SPATA21: variants seen among roughly 807,000 people sequenced by gnomAD.
SPATA21 encodes spermatogenesis associated 21, also known as spermatogenesis-associated protein 21.
A neutral mutation model predicts 54.8 loss-of-function variants in SPATA21; 47 were observed. The observed-to-expected ratio is 0.86, with a 90% CI of 0.68 to 1.09. The LOEUF (loss-of-function observed/expected upper bound fraction) is 1.09, where lower values mean the gene tolerates loss of function less well. Ranked by LOEUF, SPATA21 falls within the 50% of genes least tolerant of loss-of-function variation. SPATA21 has a pLI of 0.00. For synonymous variants in SPATA21, 245 were observed against 235.3 expected, an observed-to-expected ratio of 1.04 and a Z score of -0.38; for missense variants, 599 against 596.4, an observed-to-expected ratio of 1.00 and a Z score of -0.05.
In SPATA21 at chr1:16,432,448, C is replaced by G. The variant is rs1210956579; in HGVS notation, c.-52+342G>C. On this transcript the variant is annotated intron_variant, in intron 2 of 12. Transcript: ENST00000335496. ...TTTCTGAAGCCTTTCATCTCTCCTC[C>G]ACCTCTTTCATCCAACCTCATGTTC... Among the ~76,000 whole-genome samples, 3 of 151,754 alleles carry G rather than the reference C, an allele frequency of 2.0e-5. No individual in the cohort carries two copies. The Admixed American group carries it at 2.0e-4, about 10-fold the overall frequency.
At chr1:16,404,643 T>C (rs1169597989) in intron 8 of SPATA21, among the ~76,000 whole-genome samples, 1 of 152,038 alleles carries the variant, frequency 6.6e-6, no homozygotes, top group African/African-American at 2.4e-5. Context: ...AAAGACTCCA[T>C]CTCTACAAAA....
intron 3 of SPATA21, among the ~76,000 whole-genome samples, chr1:16,424,244 C>T (rs1348217547): frequency 0.018 from 42 of 2,334 alleles, no homozygotes; most frequent in East Asian, 0.037. Context: ...ACCTGGGAGG[C>T]AGAGCTTGCA....
At chr1:16,424,419 T>A (rs539090305) in intron 3 of SPATA21, among the ~76,000 whole-genome samples, 67 of 151,586 alleles carry the variant, frequency 4.4e-4, no homozygotes, top group South Asian at 1.7e-3. Flanking sequence ...TTATTTATTT[T>A]TTTATTTTTA....
Position 16,421,504 on chromosome 1 carries a change from C to T in SPATA21, c.144+5G>A. The T allele has an allele frequency of 6.2e-7, 1 of 1,613,436 alleles. No homozygotes were observed. The highest frequency in any genetic ancestry group is 8.5e-7 in the Non-Finnish European group (1 of 1,179,724). On this transcript the variant is annotated splice_donor_5th_base_variant and intron_variant, in intron 5 of 12. Transcript: ENST00000335496. The surrounding 1 kb of genome is among the most constrained non-coding windows in gnomAD (Gnocchi z 5.2). The stretch of plus-strand genomic sequence containing the variant: ...CGTCCCCGTTCCCCCTATGGCCCTA[C>T]TTACTGGTGGAGGAAGAGGCCCCGG...
chr1:16,409,013 C>G lies in SPATA21; in HGVS notation c.673+105G>C. On this transcript the variant is annotated intron_variant, in intron 7 of 12. Coordinates refer to ENST00000335496, the MANE Select transcript of SPATA21 (RefSeq NM_198546.1). This position sits in a 1 kb window ranked among gnomAD's most constrained non-coding sequence, Gnocchi z 4.1. ...CTGCTGGGTCTGCTACACATGGCGGCAGCCATGTGATCTGGAAAGCACCCC... is the reference window on the plus strand; with the variant it reads ...CTGCTGGGTCTGCTACACATGGCGGGAGCCATGTGATCTGGAAAGCACCCC... 2.5e-6 allele frequency: 3 copies of G among 1,213,154 alleles called. No homozygotes were observed. The highest frequency in any genetic ancestry group is 2.4e-6 in the Non-Finnish European group (2 of 839,670). The allele number at this position is 1,213,154 out of a possible 1,614,324, so 75.1% of individuals were successfully genotyped here. A position where few individuals can be genotyped will look rare whatever the true frequency, so the allele number is the denominator to read the frequency against.
In SPATA21 at chr1:16,400,739, C is replaced by A. The variant is rs777743329; in HGVS notation, c.1155G>T (p.Arg385=). 6.2e-7 allele frequency: 1 copy of A among 1,613,922 alleles called. No individual in the cohort carries two copies. The highest frequency in any genetic ancestry group is 8.5e-7 in the Non-Finnish European group (1 of 1,179,874). The change falls in exon 11 of 13, where the codon CGG becomes CGT. Residue 385 remains arginine (R), a synonymous_variant. Coordinates refer to ENST00000335496, the MANE Select transcript of SPATA21 (RefSeq NM_198546.1). ...CCTCACCATAGTTCTGCTGCTTCAG[C>A]CGGCTCAGGATACTGAGGACCTTTC... ...PERKVLSILS[R]LKQQNYAPNL...
At chr1:16,415,571 T>C (rs925879411) in intron 5 of SPATA21, among the ~76,000 whole-genome samples, 1 of 152,130 alleles carries the variant, frequency 6.6e-6, no homozygotes, top group African/African-American at 2.4e-5. Context: ...ATTATTATTC[T>C]TTTTTAGAGA....
Position 16,409,187 on chromosome 1 carries a change from GC to G in SPATA21, c.603del (p.Glu201AspfsTer18). On this transcript the variant is annotated frameshift_variant, in exon 7 of 13. Transcript: ENST00000335496. LOFTEE classifies it high-confidence loss of function. The surrounding 1 kb of genome is among the most constrained non-coding windows in gnomAD (Gnocchi z 4.1). Reference sequence around the variant, plus strand: ...TTTTGATAAAGCTTTTGGAGGCTCTGCTCTTCCGGCTCCTGCCTGCAGAGGA... The same window carrying G: ...TTTTGATAAAGCTTTTGGAGGCTCTGTCTTCCGGCTCCTGCCTGCAGAGGA... ...SYAKARQEPE[E>X]QSLQKLYQNR... 1 of 1,614,140 alleles carries G rather than the reference GC, an allele frequency of 6.2e-7. No individual in the cohort carries two copies. The highest frequency in any genetic ancestry group is 8.5e-7 in the Non-Finnish European group (1 of 1,180,004).
At chr1:16,437,024 C>T (rs2086603006) in intron 1 of SPATA21, 104 bp downstream of exon 1, 1 of 152,026 alleles carries the variant, frequency 6.6e-6, no homozygotes, top group Admixed American at 6.6e-5. Flanking sequence ...TCTATGATGG[C>T]AGGAAAATAC....
intron 5 of SPATA21, chr1:16,410,853 G>T: frequency 2.6e-6 from 1 of 391,702 alleles, no homozygotes; most frequent in Non-Finnish European, 5.2e-6. Context: ...GCTGAGCCAT[G>T]GTCTTGAGTG....
chr1:16,411,789 C>CAAAAAAAAAA (rs1170429146), intron 5 of SPATA21, among the ~76,000 whole-genome samples: 2 of 35,154 alleles, frequency 5.7e-5, no homozygotes, highest in Non-Finnish European at 1.2e-4. Context: ...GACTCTGTCT[C>CAAAAAAAAAA]AAAAAAAAAA....
rs2086387412 is a variant in SPATA21, at chr1:16,428,935, G to A, written c.34+2403C>T. 6.6e-6 allele frequency among the ~76,000 whole-genome samples: 1 copy of A among 152,170 alleles called. No individual in the cohort carries two copies. The highest frequency in any genetic ancestry group is 2.4e-5 in the African/African-American group (1 of 41,438). On this transcript the variant is annotated intron_variant, in intron 3 of 12. Transcript: ENST00000335496. The surrounding 1 kb of genome is among the most constrained non-coding windows in gnomAD (Gnocchi z 4.3). ...GAGGCTGCAAGGGGTGCAGTGACAG[G>A]CCCAACATCACACAGCTGGGTAAGT...
At chr1:16,424,224 A>G (rs1157764339) in intron 3 of SPATA21, among the ~76,000 whole-genome samples, 2,175 of 5,642 alleles carry the variant, frequency 0.39, 87 homozygotes, top group Admixed American at 0.4. Context: ...GAGGCAGGAG[A>G]ATGGCATGAA....
intron 3 of SPATA21, among the ~76,000 whole-genome samples, chr1:16,426,589 T>C (rs1319714288): frequency 9.1e-6 from 1 of 110,470 alleles, no homozygotes; most frequent in Admixed American, 9.3e-5. Context: ...ATTTTTTTTT[T>C]TTTTTTTTGA....
chr1:16,427,696 T>A (rs1193942862), intron 3 of SPATA21, among the ~76,000 whole-genome samples: 1 of 151,716 alleles, frequency 6.6e-6, no homozygotes, highest in African/African-American at 2.4e-5. Context: ...AGACAAAAGG[T>A]TAACATGAAC....
chr1:16,405,429 G>C (rs1475060131), intron 7 of SPATA21, among the ~76,000 whole-genome samples: 4 of 148,616 alleles, frequency 2.7e-5, no homozygotes, highest in Non-Finnish European at 5.9e-5. Flanking sequence ...GATTGCTTGA[G>C]CCTGGGATTT....
chr1:16,411,954 A>G (rs2085864247), intron 5 of SPATA21, among the ~76,000 whole-genome samples: 1 of 151,776 alleles, frequency 6.6e-6, no homozygotes, highest in African/African-American at 2.4e-5. Flanking sequence ...GCACTCCCCA[A>G]AGCTGCTCTC....
rs774989716 is a variant in SPATA21, at chr1:16,409,879, C to T, written c.309G>A (p.Ser103=). Residue 103 remains serine, a synonymous_variant, in exon 6 of 13, where the codon TCG becomes TCA. Transcript: ENST00000335496. The surrounding 1 kb of genome is among the most constrained non-coding windows in gnomAD (Gnocchi z 4.1). ...TCTGGGCTGTCTGGGACCGGGCCTTCGAGGCTCTCCGATGGGAGGCCTCCA... is the reference window on the plus strand; with the variant it reads ...TCTGGGCTGTCTGGGACCGGGCCTTTGAGGCTCTCCGATGGGAGGCCTCCA... ...EKMEASHRRA[S]KARSQTAQKS... 6.2e-6 allele frequency: 10 copies of T among 1,612,012 alleles called. No homozygotes were observed. In the South Asian group the frequency reaches 7.7e-5, roughly 12 times the overall value.
intron 3 of SPATA21, chr1:16,427,851 CCCCT>C: frequency 6.5e-7 from 1 of 1,542,858 alleles, no homozygotes. Context: ...CTCTCGAGAG[CCCCT>C]CAGCTCACCC....
Sources: gnomAD v4.1 joint callset for allele counts (sites outside exome capture counted in the v4.1 genomes callset) on GRCh38, gnomAD v4.1.1 for gene constraint, Gnocchi (gnomAD v3.1) non-coding constraint, MANE v1.5 for transcripts, NCBI Gene and HGNC (gene_info 2026-07-23, HGNC 2026-07-21) for gene names.